Variants in FANCC observed in about 807,000 individuals in gnomAD.
The protein encoded by FANCC is Fanconi anemia group C protein.
A neutral mutation model predicts 71.3 loss-of-function variants in FANCC; 55 were observed. That is an observed-to-expected ratio of 0.77 (90% CI 0.62 to 0.97). The LOEUF (loss-of-function observed/expected upper bound fraction) is 0.97. Ranked by LOEUF, FANCC falls within the 50% of genes least tolerant of loss-of-function variation. The pLI is 0.00. For synonymous variants in FANCC, 275 were observed against 244.9 expected (o/e 1.12, Z -1.15); for missense variants, 678 against 670.9 (o/e 1.01, Z -0.12).
intron 4 of FANCC, among the ~76,000 whole-genome samples, chr9:95,228,561 A>G (rs1205009167): frequency 6.6e-6 from 1 of 152,230 alleles, no homozygotes; most frequent in African/African-American, 2.4e-5. Context: ...CCTGTACAAG[A>G]AGGTCTCTGC....
intron 7 of FANCC, among the ~76,000 whole-genome samples, chr9:95,136,606 TC>T (rs1234165260): frequency 2.0e-5 from 3 of 152,194 alleles, no homozygotes; most frequent in African/African-American, 7.2e-5. Context: ...CCTGCATCAG[TC>T]TCCCCAGTAG....
In FANCC at chr9:95,167,784, ATACT is replaced by A. The variant is rs1191002474; in HGVS notation, c.521+3291_521+3294del. ...AGATCCCTTAAGGCAATTATTTCAAATACTTAGTCAGGTAATGCATAGATCTCTG... is the reference window on the plus strand; with the variant it reads ...AGATCCCTTAAGGCAATTATTTCAAATAGTCAGGTAATGCATAGATCTCTG... On this transcript the variant is annotated intron_variant, in intron 6 of 14. Coordinates refer to ENST00000289081, the MANE Select transcript of FANCC (RefSeq NM_000136.3). Among the ~76,000 whole-genome samples, 7 of 152,238 alleles carry A rather than the reference ATACT, an allele frequency of 4.6e-5. No homozygotes were observed. The East Asian group carries it at 5.8e-4, about 13-fold the overall frequency.
chr9:95,276,615 G>A (rs966694621), intron 1 of FANCC, among the ~76,000 whole-genome samples: 3 of 152,178 alleles, frequency 2.0e-5, no homozygotes, highest in African/African-American at 7.2e-5. Context: ...TCACCACATT[G>A]ATTTGAGTAG....
chr9:95,113,559 C>G (rs2072135094), intron 12 of FANCC: 1 of 150,836 alleles, frequency 6.6e-6, no homozygotes. Context: ...GACGGGAGGC[C>G]AAGGCAGGAG....
At chr9:95,221,028 G>A (rs1453948932) in intron 4 of FANCC, among the ~76,000 whole-genome samples, 4 of 151,820 alleles carry the variant, frequency 2.6e-5, no homozygotes, top group Non-Finnish European at 1.5e-5. Flanking sequence ...TCAAGAGATC[G>A]AGACCACCCT....
At chr9:95,197,178 C>T (rs1387603722) in intron 4 of FANCC, among the ~76,000 whole-genome samples, 1 of 152,160 alleles carries the variant, frequency 6.6e-6, no homozygotes, top group Non-Finnish European at 1.5e-5. Flanking sequence ...CACACAATTT[C>T]ATGGAGTTTT....
In FANCC at chr9:95,150,075, C is replaced by G. The variant is rs776694218; in HGVS notation, c.534G>C (p.Glu178Asp). The G allele has an allele frequency of 6.2e-7, 1 of 1,614,122 alleles. No homozygotes were observed. Among genetic ancestry groups the G allele is most frequent in the Non-Finnish European group, 8.5e-7 (1 of 1,180,020 alleles). The change falls in exon 7 of 15, where the codon GAG becomes GAC. Residue 178 changes from glutamate (E) to aspartate (D), a missense_variant. Coordinates refer to ENST00000289081, the MANE Select transcript of FANCC (RefSeq NM_000136.3). ...GFNTQRRMAP[E>D]RVASLSRVCV... The stretch of plus-strand genomic sequence containing the variant: ...AAACTCGTGACAGGGACGCCACTCG[C>G]TCGGGAGCCATTCTATGGAAGAAAT...
chr9:95,294,554 A>G, intron 1 of FANCC: 1 of 1,541,932 alleles, frequency 6.5e-7, no homozygotes, highest in African/African-American at 1.4e-5. Context: ...TCTGACACAG[A>G]GACACAAACT....
intron 1 of FANCC, among the ~76,000 whole-genome samples, chr9:95,260,057 A>T (rs943724723): frequency 6.6e-6 from 1 of 152,212 alleles, no homozygotes; most frequent in Non-Finnish European, 1.5e-5. Flanking sequence ...GCCGAAGAGG[A>T]TGTGGAGAAA....
chr9:95,223,587 TA>T (rs1829420628), intron 4 of FANCC, among the ~76,000 whole-genome samples: 1 of 152,160 alleles, frequency 6.6e-6, no homozygotes. Context: ...ACCTATAACA[TA>T]AGTAATACAA....
rs367855049 is a variant in FANCC at position 95,226,625 on chromosome 9, AG to A, written c.345+14023del. ...ACCACATCTTCCCCTTATACTTCTC[AG>A]GGAAAGGTCTATCTTCAACCACAAA... On this transcript the variant is annotated intron_variant, in intron 4 of 14. Transcript: ENST00000289081. 8.7e-3 allele frequency among the ~76,000 whole-genome samples: 1,321 copies of A among 152,216 alleles called. 11 individuals are homozygous for A. The highest frequency in any genetic ancestry group is 0.012 in the Non-Finnish European group (845 of 68,012).
chr9:95,101,931 A>AC, intron 14 of FANCC, 81 bp from the exon 15 acceptor site: 1 of 1,523,018 alleles, frequency 6.6e-7, no homozygotes, highest in Non-Finnish European at 9.0e-7. Flanking sequence ...GACCATAACC[A>AC]CCCAGTCCCT....
Position 95,101,495 on chromosome 9 carries a change from G to C in FANCC, c.*212C>G. The C allele has an allele frequency of 1.6e-6, 1 of 625,940 alleles. No homozygotes were observed. Among genetic ancestry groups the C allele is most frequent in the Admixed American group, 2.7e-5 (1 of 36,900 alleles). The allele number at this position is 625,940 out of a possible 1,614,324, so 38.8% of individuals were successfully genotyped here. ...TACCGAAGGCTCACTTGAGTCATTAGTGAACATGTCTGACTGAGTCTGGGC... is the reference window on the plus strand; with the variant it reads ...TACCGAAGGCTCACTTGAGTCATTACTGAACATGTCTGACTGAGTCTGGGC... On this transcript the variant is annotated 3_prime_UTR_variant, in exon 15 of 15. Coordinates refer to ENST00000289081, the MANE Select transcript of FANCC (RefSeq NM_000136.3).
At position 95,130,564 on chromosome 9, in the gene FANCC, C is replaced by G. The variant is rs142538897; in HGVS notation, c.844-3983G>C. The stretch of plus-strand genomic sequence containing the variant: ...TCATTAAGCCTGGAATAGATTCTTT[C>G]CTGGTATTTTCATGTACTTGCATGT... On this transcript the variant is annotated intron_variant, in intron 8 of 14. Transcript: ENST00000289081. Among the ~76,000 whole-genome samples, 212 of 152,276 alleles carry G rather than the reference C, an allele frequency of 1.4e-3. 1 individual carries two copies. The highest frequency in any genetic ancestry group is 4.8e-3 in the African/African-American group (200 of 41,556).
chr9:95,116,761 T>C (rs951250170), intron 11 of FANCC, among the ~76,000 whole-genome samples: 3 of 152,228 alleles, frequency 2.0e-5, no homozygotes, highest in Non-Finnish European at 4.4e-5. Context: ...GAACCATCAC[T>C]TCCCCAGCTG....
intron 1 of FANCC, among the ~76,000 whole-genome samples, chr9:95,312,586 A>G (rs898865515): frequency 6.6e-6 from 1 of 152,240 alleles, no homozygotes; most frequent in Non-Finnish European, 1.5e-5. Flanking sequence ...TCCTAGTCTC[A>G]AGTAATTCTC....
At chr9:95,292,973 C>T (rs563219412) in intron 1 of FANCC, 1 of 1,576,818 alleles carries the variant, frequency 6.3e-7, no homozygotes, top group Admixed American at 1.7e-5. Flanking sequence ...ACCGAACTGG[C>T]CACGAGATCC....
At chr9:95,300,773 T>C (rs1054585441) in intron 1 of FANCC, among the ~76,000 whole-genome samples, 3 of 152,106 alleles carry the variant, frequency 2.0e-5, no homozygotes, top group African/African-American at 7.2e-5. Flanking sequence ...ACTGCTGACT[T>C]GGGGTGCTCC....
chr9:95,159,616 C>T (rs1830635751), intron 6 of FANCC, among the ~76,000 whole-genome samples: 1 of 152,336 alleles, frequency 6.6e-6, no homozygotes, highest in Admixed American at 6.5e-5. Flanking sequence ...ACACTGTCTT[C>T]CACAATGGTT....
Sources: gnomAD v4.1 joint callset for allele counts (sites outside exome capture counted in the v4.1 genomes callset) on GRCh38, gnomAD v4.1.1 for gene constraint, MANE v1.5 for transcripts, NCBI Gene and HGNC (gene_info 2026-07-23, HGNC 2026-07-21) for gene names.